DNASE2: variants seen among roughly 807,000 people sequenced by gnomAD.
The protein encoded by DNASE2 is deoxyribonuclease 2, lysosomal, also known as deoxyribonuclease-2-alpha.
Under a neutral mutation model 29.8 loss-of-function variants are expected in DNASE2, and 26 were observed. The observed-to-expected ratio is 0.87, with a 90% CI of 0.64 to 1.21. The LOEUF (loss-of-function observed/expected upper bound fraction) is 1.21, where lower values mean the gene tolerates loss of function less well. Ranked by LOEUF, DNASE2 falls within the 50% of genes most tolerant of loss-of-function variation. DNASE2 has a pLI of 0.00. For synonymous variants in DNASE2, 186 were observed against 193.5 expected (o/e 0.96, Z 0.32); for missense variants, 415 against 455.6 (o/e 0.91, Z 0.81).
upstream of DNASE2, chr19:12,881,449 TG>T: frequency 2.0e-6 from 3 of 1,534,830 alleles, no homozygotes; most frequent in Non-Finnish European, 2.6e-6. Flanking sequence ...AGGCCAGGAC[TG>T]GCACCTGGCG....
intron 3 of DNASE2, among the ~76,000 whole-genome samples, chr19:12,879,712 G>A (rs559927448): frequency 1.4e-4 from 22 of 152,194 alleles, no homozygotes; most frequent in Non-Finnish European, 2.9e-4. Context: ...GGCTCATGCC[G>A]GTAATCGCAG....
rs2145921217 is a variant in DNASE2 at position 12,878,378 on chromosome 19, T to A, written c.709+4A>T. 1 of 1,612,412 alleles carries A rather than the reference T, an allele frequency of 6.2e-7. No individual in the cohort carries two copies. Among genetic ancestry groups the A allele is most frequent in the Non-Finnish European group, 8.5e-7 (1 of 1,180,008 alleles). On this transcript the variant is annotated splice_donor_region_variant and intron_variant, in intron 5 of 5. Transcript: ENST00000222219. ...GCTCTCCAACCCTCAACCTTGAGAC[T>A]CACCATCTCCAAATTTGCTGAACTT...
In DNASE2 at chr19:12,880,786, C is replaced by G. The variant is rs779638989; in HGVS notation, c.346+16G>C. The G allele has an allele frequency of 6.2e-7, 1 of 1,614,242 alleles. No individual in the cohort carries two copies. The highest frequency in any genetic ancestry group is 1.3e-5 in the African/African-American group (1 of 75,066). On this transcript the variant is annotated intron_variant, in intron 3 of 5. Coordinates refer to ENST00000222219, the MANE Select transcript of DNASE2 (RefSeq NM_001375.3). ...TGGGACCCGAGTCTCTCCCCAGCCCCCAATCCAGGCCTCACCCTTCGTGTG... is the reference window on the plus strand; with the variant it reads ...TGGGACCCGAGTCTCTCCCCAGCCCGCAATCCAGGCCTCACCCTTCGTGTG...
chr19:12,881,213 C>T, intron 1 of DNASE2, 61 bp from the exon 2 acceptor site: 6 of 1,610,744 alleles, frequency 3.7e-6, no homozygotes, highest in Non-Finnish European at 5.1e-6. Flanking sequence ...CCAGGGTTCC[C>T]CGAGGAGGTA....
chr19:12,877,492 G>A (rs562712255), intron 5 of DNASE2, among the ~76,000 whole-genome samples: 2 of 151,810 alleles, frequency 1.3e-5, no homozygotes, highest in African/African-American at 4.8e-5. Context: ...CTCCTGCCTC[G>A]ACTGGGATTA....
chr19:12,876,205 TGAAG>T lies in DNASE2; in HGVS notation c.864_867del (p.Ser288ArgfsTer24). 6.2e-7 allele frequency: 1 copy of T among 1,614,158 alleles called. No homozygotes were observed. Among genetic ancestry groups the T allele is most frequent in the Non-Finnish European group, 8.5e-7 (1 of 1,180,030 alleles). On this transcript the variant is annotated frameshift_variant, in exon 6 of 6. Transcript: ENST00000222219. LOFTEE classifies it low-confidence loss of function (END_TRUNC). ...CATTTGGAGTGGTCCTCTGTGCTGT[TGAAG>T]CTTGGGCCGGCTGGTCCAGGGAAAG...
At chr19:12,876,452 A>G (rs1399552031) in intron 5 of DNASE2, 89 bp from the exon 6 acceptor site, 22 of 1,439,494 alleles carry the variant, frequency 1.5e-5, no homozygotes, top group African/African-American at 3.1e-5. Flanking sequence ...CTCAGTTTCC[A>G]TATTTCCTTT....
At chr19:12,880,905 C>T (rs758119324) in intron 2 of DNASE2, 25 bp from the exon 3 acceptor site, 1 of 1,614,196 alleles carries the variant, frequency 6.2e-7, no homozygotes, top group Non-Finnish European at 8.5e-7. Context: ...ACGGAGGCAA[C>T]GTGAAATTCC....
chr19:12,879,718 C>A (rs2145922307), intron 3 of DNASE2, among the ~76,000 whole-genome samples: 1 of 152,220 alleles, frequency 6.6e-6, no homozygotes, highest in South Asian at 2.1e-4. Flanking sequence ...TGCCGGTAAT[C>A]GCAGCACATT....
At chr19:12,877,485 CT>C (rs1970334714) in intron 5 of DNASE2, among the ~76,000 whole-genome samples, 2 of 152,174 alleles carry the variant, frequency 1.3e-5, no homozygotes, top group African/African-American at 4.8e-5. Context: ...AGCAATCCTC[CT>C]GCCTCGACTG....
intron 2 of DNASE2, 42 bp from the exon 3 acceptor site, chr19:12,880,922 G>T: frequency 3.7e-6 from 6 of 1,614,182 alleles, no homozygotes; most frequent in Non-Finnish European, 5.1e-6. Flanking sequence ...TTCCTCCCAG[G>T]CAGGGCAGCC....
Position 12,876,180 on chromosome 19 carries a change from C to A in DNASE2, c.893G>T (p.Trp298Leu). Residue 298 changes from tryptophan to leucine, a missense_variant, in exon 6 of 6, where the codon TGG (tryptophan) becomes TTG (leucine). Trp to Leu is a moderately conservative substitution (Grantham distance 61). Transcript: ENST00000222219. ...CCAGGGCCCTTTTGGGGACACGCAC[C>A]ATTTGGAGTGGTCCTCTGTGCTGTT... is the stretch of plus-strand genomic sequence containing the variant. ...SFNSTEDHSK[W>L]CVSPKGPWTC... The A allele has an allele frequency of 6.2e-7, 1 of 1,614,214 alleles. No homozygotes were observed. The highest frequency in any genetic ancestry group is 8.5e-7 in the Non-Finnish European group (1 of 1,180,038).
intron 3 of DNASE2, among the ~76,000 whole-genome samples, chr19:12,879,994 A>G (rs1305904533): frequency 6.7e-6 from 1 of 150,162 alleles, no homozygotes; most frequent in Non-Finnish European, 1.5e-5. Context: ...AATCCCAGCT[A>G]CTCCAGAGGC....
intron 5 of DNASE2, chr19:12,878,015 A>G (rs1970338992): frequency 5.8e-6 from 2 of 345,242 alleles, no homozygotes; most frequent in Admixed American, 8.0e-5. Context: ...AGGTCTTGCT[A>G]TGTTTCCCAG....
chr19:12,878,799 G>T lies in DNASE2; in HGVS notation c.382C>A (p.Leu128Met). 1 of 1,613,764 alleles carries T rather than the reference G, an allele frequency of 6.2e-7. No individual in the cohort carries two copies. The highest frequency in any genetic ancestry group is 8.5e-7 in the Non-Finnish European group (1 of 1,179,952). ...GGGAAGTTAGGTACACTGTGGACCA[G>T]CCAGAAGCCCCCATCGTGGTCAAGG... ...LLLDHDGGFW[L>M]VHSVPNFPPP... Residue 128 changes from leucine to methionine, a missense_variant, in exon 4 of 6, where the codon CTG becomes ATG. Coordinates refer to ENST00000222219, the MANE Select transcript of DNASE2 (RefSeq NM_001375.3).
At chr19:12,876,958 G>A (rs1240498772) in intron 5 of DNASE2, among the ~76,000 whole-genome samples, 2 of 152,150 alleles carry the variant, frequency 1.3e-5, no homozygotes, top group South Asian at 2.1e-4. Flanking sequence ...GAGTAGCTGG[G>A]ATTACAGGTG....
rs1970375368 is a variant in DNASE2 at position 12,881,120 on chromosome 19, CCT to C, written c.117_118del (p.Gly40ValfsTer57). 2 of 1,611,814 alleles carry C rather than the reference CCT, an allele frequency of 1.2e-6. No homozygotes were observed. The highest frequency in any genetic ancestry group is 1.7e-6 in the Non-Finnish European group (2 of 1,180,014). Reference sequence around the variant, plus strand: ...CCCTCTCTGCGCCGCCTCCCCGGACCCTCTAAGAGCTGGCAGCTTGTAGACCA... The same window carrying C: ...CCCTCTCTGCGCCGCCTCCCCGGACCCTAAGAGCTGGCAGCTTGTAGACCA... On this transcript the variant is annotated frameshift_variant, in exon 2 of 6. Coordinates refer to ENST00000222219, the MANE Select transcript of DNASE2 (RefSeq NM_001375.3). LOFTEE classifies it high-confidence loss of function.
chr19:12,877,842 C>T (rs1459500095), intron 5 of DNASE2, among the ~76,000 whole-genome samples: 1 of 148,036 alleles, frequency 6.8e-6, no homozygotes, highest in Admixed American at 6.8e-5. Flanking sequence ...CTGTGCCCAG[C>T]CTATTTATTT....
In DNASE2 at chr19:12,879,162, G is replaced by GTAAA. The variant is rs1216452718; in HGVS notation, c.347-332_347-329dup. On this transcript the variant is annotated intron_variant, in intron 3 of 5. Transcript: ENST00000222219. Reference sequence around the variant, plus strand: ...ATCTCAAACATAAGTAAGTAAGTAAGTAAATAAATAAATAAATAAATAAAT... The same window carrying GTAAA: ...ATCTCAAACATAAGTAAGTAAGTAAGTAAATAAATAAATAAATAAATAAATAAAT... Among the ~76,000 whole-genome samples, 581 of 145,458 alleles carry GTAAA rather than the reference G, an allele frequency of 4.0e-3. 1 individual carries two copies. Among genetic ancestry groups the GTAAA allele is most frequent in the South Asian group, 6.1e-3 (29 of 4,756 alleles).
Sources: allele counts gnomAD v4.1 joint callset (sites outside exome capture counted in the v4.1 genomes callset), GRCh38; gene constraint gnomAD v4.1.1; transcripts MANE v1.5; gene names NCBI Gene and HGNC (gene_info 2026-07-23, HGNC 2026-07-21).